Variants in ARVCF observed in about 807,000 individuals in gnomAD.
ARVCF encodes the protein splicing regulator ARVCF.
ARVCF carries 66 observed loss-of-function variants against 90.9 expected under a neutral mutation model. That is an observed-to-expected ratio of 0.73 (90% CI 0.60 to 0.89). The LOEUF is 0.89. Ranked by LOEUF, ARVCF falls within the 40% of genes least tolerant of loss-of-function variation. ARVCF has a pLI of 0.00. For synonymous variants in ARVCF, 653 were observed against 603.4 expected (o/e 1.08, Z -1.21); for missense variants, 1,469 against 1,382.3 (o/e 1.06, Z -1.00).
chr22:20,008,674 G>A (rs1944719759), intron 2 of ARVCF, among the ~76,000 whole-genome samples: 1 of 152,204 alleles, frequency 6.6e-6, no homozygotes, highest in Non-Finnish European at 1.5e-5. Flanking sequence ...CTGTGGACAG[G>A]ACCACACCCC....
At chr22:19,986,154 C>T (rs966466981) in intron 3 of ARVCF, among the ~76,000 whole-genome samples, 3 of 152,236 alleles carry the variant, frequency 2.0e-5, no homozygotes, top group Admixed American at 6.5e-5. Flanking sequence ...CTGTCATCCA[C>T]CTCAGCTTCC....
intron 3 of ARVCF, among the ~76,000 whole-genome samples, chr22:19,984,573 C>T (rs1943665212): frequency 6.6e-6 from 1 of 152,202 alleles, no homozygotes; most frequent in African/African-American, 2.4e-5. Flanking sequence ...CAGGCACACA[C>T]ACATGCATAT....
rs1397090896 is a variant in ARVCF at position 19,990,773 on chromosome 22, A to G, written c.22T>C (p.Ser8Pro). 6 of 1,575,566 alleles carry G rather than the reference A, an allele frequency of 3.8e-6. No homozygotes were observed. In the East Asian group the frequency reaches 1.4e-4, roughly 37 times the overall value. The change falls in exon 3 of 20, where the codon TCG becomes CCG. Residue 8 changes from serine (S) to proline (P), a missense_variant. Coordinates refer to ENST00000263207, the MANE Select transcript of ARVCF (RefSeq NM_001670.3). Reference sequence around the variant, plus strand: ...ACCGAGGCCAGGATGCTGGCGGCCGAGTGCACATTGCAGTCCTCCATGACC... The same window carrying G: ...ACCGAGGCCAGGATGCTGGCGGCCGGGTGCACATTGCAGTCCTCCATGACC... MEDCNVH[S>P]AASILASVKE... is the part of the protein sequence containing the mutation.
At chr22:20,012,101 G>A (rs1944859657) in intron 1 of ARVCF, among the ~76,000 whole-genome samples, 1 of 148,490 alleles carries the variant, frequency 6.7e-6, no homozygotes, top group South Asian at 2.2e-4. Context: ...ACCCAGTTGG[G>A]GAAGTGTGAC....
intron 2 of ARVCF, among the ~76,000 whole-genome samples, chr22:20,005,295 C>T (rs1159394137): frequency 6.6e-6 from 1 of 150,956 alleles, no homozygotes; most frequent in Non-Finnish European, 1.5e-5. Context: ...AAAATTTGCT[C>T]AACATTTCTA....
chr22:20,007,635 T>C (rs1944679459), intron 2 of ARVCF, among the ~76,000 whole-genome samples: 2 of 152,194 alleles, frequency 1.3e-5, no homozygotes, highest in African/African-American at 4.8e-5. Context: ...TCCGTTACAG[T>C]GGGAGTGGAT....
chr22:19,999,993 G>GA (rs1944388926), intron 2 of ARVCF, among the ~76,000 whole-genome samples: 2 of 152,210 alleles, frequency 1.3e-5, no homozygotes, highest in African/African-American at 2.4e-5. Flanking sequence ...ACCCAGCACT[G>GA]AGAGGTGAGC....
chr22:19,989,420 T>G (rs572603918), intron 3 of ARVCF, among the ~76,000 whole-genome samples: 2 of 150,912 alleles, frequency 1.3e-5, no homozygotes, highest in Non-Finnish European at 3.0e-5. Flanking sequence ...ACTCAAGGAG[T>G]AGTCACCAAC....
chr22:19,966,540 C>T (rs1055249223), downstream of ARVCF, among the ~76,000 whole-genome samples: 11 of 150,230 alleles, frequency 7.3e-5, no homozygotes, highest in African/African-American at 2.5e-4. Flanking sequence ...TCCTGAGCTC[C>T]AGTGATCCTC....
chr22:19,972,218 T>G, intron 17 of ARVCF, 140 bp downstream of exon 17: 3 of 1,159,098 alleles, frequency 2.6e-6, no homozygotes, highest in Non-Finnish European at 2.5e-6. Context: ...AGCTGCCCTG[T>G]ACCTCACCCT....
rs1002477144 is a variant in ARVCF at position 19,981,571 on chromosome 22, G to T, written c.536C>A (p.Ser179Tyr). The part of the protein sequence containing the change: ...LRGGGPVATL[S>Y]RAYLSSGGGF... ...ACCCCCACTGCTGAGGTAGGCTCGA[G>T]AGAGTGTGGCCACTGGGCCACCACC... The change falls in exon 5 of 20, where the codon TCT becomes TAT. Residue 179 changes from serine to tyrosine, a missense_variant. Coordinates refer to ENST00000263207, the MANE Select transcript of ARVCF (RefSeq NM_001670.3). 4.4e-6 allele frequency: 7 copies of T among 1,604,866 alleles called. No individual in the cohort carries two copies. The highest frequency in any genetic ancestry group is 5.9e-6 in the Non-Finnish European group (7 of 1,178,408).
intron 3 of ARVCF, among the ~76,000 whole-genome samples, chr22:19,988,574 G>A (rs1440239892): frequency 6.6e-6 from 1 of 152,136 alleles, no homozygotes; most frequent in Admixed American, 6.5e-5. Context: ...CCAGGACCCT[G>A]GAGCAGCCCA....
chr22:19,986,938 C>T, intron 3 of ARVCF: 1 of 545,870 alleles, frequency 1.8e-6, no homozygotes, highest in Non-Finnish European at 3.3e-6. Flanking sequence ...CGCAGCCCAG[C>T]CAGGGGCGCA....
At chr22:19,984,617 C>A (rs1484620675) in intron 3 of ARVCF, among the ~76,000 whole-genome samples, 1 of 152,222 alleles carries the variant, frequency 6.6e-6, no homozygotes, top group Non-Finnish European at 1.5e-5. Context: ...CATGCATGTA[C>A]ATACACGTGT....
Position 19,978,908 on chromosome 22 carries a change from C to T in ARVCF, c.1569G>A (p.Ser523=), listed in dbSNP as rs775863550. ...GGTCTGGTCCACACCTCAGGCAGCC[C>T]GACGTGTTCTTGAAGACAGTTGTCC... ...AEWTTVFKNT[S]GCLRNVSSDG... Residue 523 remains serine, a synonymous_variant, in exon 7 of 20, where the codon TCG becomes TCA. Coordinates refer to ENST00000263207, the MANE Select transcript of ARVCF (RefSeq NM_001670.3). 2.3e-5 allele frequency: 37 copies of T among 1,611,036 alleles called. No homozygotes were observed. The highest frequency in any genetic ancestry group is 4.4e-5 in the South Asian group (4 of 90,992).
At chr22:19,985,502 C>T (rs1185552752) in intron 3 of ARVCF, among the ~76,000 whole-genome samples, 2 of 152,252 alleles carry the variant, frequency 1.3e-5, no homozygotes, top group Non-Finnish European at 2.9e-5. Context: ...CACGCACCTT[C>T]GGCTCAGCTT....
At chr22:20,009,280 G>A (rs1183156819) in intron 2 of ARVCF, among the ~76,000 whole-genome samples, 2 of 152,240 alleles carry the variant, frequency 1.3e-5, no homozygotes, top group African/African-American at 2.4e-5. Flanking sequence ...CAGCCAGGCG[G>A]CAGCAGACCC....
At chr22:19,986,823 C>T (rs898996304) in intron 3 of ARVCF, 2 of 420,914 alleles carry the variant, frequency 4.8e-6, no homozygotes, top group African/African-American at 2.1e-5. Context: ...GGGTCCCGAC[C>T]CCCCCAGGCC....
At chr22:19,975,781 G>A (rs971647912) in intron 10 of ARVCF, 24 bp from the exon 11 acceptor site, 7 of 1,612,034 alleles carry the variant, frequency 4.3e-6, no homozygotes, top group Non-Finnish European at 5.9e-6. Context: ...GTGGTGGGAG[G>A]TGAGGCAGAC....
Sources: allele counts gnomAD v4.1 joint callset (sites outside exome capture counted in the v4.1 genomes callset), GRCh38; gene constraint gnomAD v4.1.1; transcripts MANE v1.5; gene names NCBI Gene and HGNC (gene_info 2026-07-23, HGNC 2026-07-21).